The following CFAP43 variants were observed in gnomAD, a reference collection of about 807,000 sequenced individuals.
CFAP43 encodes the protein cilia and flagella associated protein 43.
CFAP43 carries 155 observed loss-of-function variants against 218.9 expected under a neutral mutation model. The observed-to-expected ratio is 0.71, with a 90% CI of 0.62 to 0.81. CFAP43 has a LOEUF of 0.81. Among genes scored for constraint, CFAP43 ranks in the 30% least tolerant of loss-of-function variants. CFAP43 has a pLI of 0.00. For synonymous variants in CFAP43, 645 were observed against 681.3 expected (o/e 0.95, Z 0.83); for missense variants, 1,778 against 1,954.3 (o/e 0.91, Z 1.70).
At chr10:104,156,322 G>A (rs1033918934) in intron 27 of CFAP43, among the ~76,000 whole-genome samples, 6 of 152,076 alleles carry the variant, frequency 3.9e-5, no homozygotes, top group South Asian at 2.1e-4. Context: ...AACATAATAT[G>A]TTGGTGTATT....
chr10:104,189,905 C>T (rs940793125), intron 12 of CFAP43, among the ~76,000 whole-genome samples: 3 of 152,050 alleles, frequency 2.0e-5, no homozygotes, highest in Non-Finnish European at 2.9e-5. Flanking sequence ...TGGTGGCTCA[C>T]GCCTGTAATC....
Position 104,130,321 on chromosome 10 carries a change from A to T in CFAP43, c.4832-16T>A. On this transcript the variant is annotated splice_polypyrimidine_tract_variant and intron_variant, in intron 37 of 37. Coordinates refer to ENST00000357060, the MANE Select transcript of CFAP43 (RefSeq NM_025145.7). The stretch of plus-strand genomic sequence containing the variant: ...AGTTTAGACCCTATCCCAAAAATGA[A>T]TAAAGGAATTCGATTATTTATCAAT... 6.3e-7 allele frequency: 1 copy of T among 1,597,372 alleles called. No homozygotes were observed. Among genetic ancestry groups the T allele is most frequent in the South Asian group, 1.1e-5 (1 of 87,388 alleles).
rs1238338598 is a variant in CFAP43 at position 104,186,087 on chromosome 10, T to G, written c.1897A>C (p.Lys633Gln). The G allele has an allele frequency of 6.4e-7, 1 of 1,566,224 alleles. No homozygotes were observed. Among genetic ancestry groups the G allele is most frequent in the Non-Finnish European group, 8.6e-7 (1 of 1,162,818 alleles). The change falls in exon 15 of 38, where the codon AAA becomes CAA. Residue 633 changes from lysine (K) to glutamine (Q), a missense_variant. By Grantham distance (53) the Lys-to-Gln change is moderately conservative. This residue lies in a region of CFAP43 where 1,553 missense variants were observed against 1,685.2 expected (regional missense o/e 0.92). Coordinates refer to ENST00000357060, the MANE Select transcript of CFAP43 (RefSeq NM_025145.7). ...TGIYILKPYK[K>Q]VQSRQYGPGL... ...GGTCCATACTGTCTGCTTTGTACTT[T>G]TTTGTATGGTTTAAGAATGTAGATA...
intron 6 of CFAP43, among the ~76,000 whole-genome samples, chr10:104,206,737 C>A (rs1027163765): frequency 6.6e-6 from 1 of 152,206 alleles, no homozygotes; most frequent in African/African-American, 2.4e-5. Flanking sequence ...TGGCAAGGCC[C>A]CCTCCTCCCA....
chr10:104,142,663 T>G (rs1054968831), intron 32 of CFAP43, among the ~76,000 whole-genome samples: 46 of 152,270 alleles, frequency 3.0e-4, no homozygotes, highest in Non-Finnish European at 3.4e-4. Context: ...TCTCATCACT[T>G]TAAGTGAAAT....
chr10:104,210,659 C>T (rs1213655929), intron 5 of CFAP43, among the ~76,000 whole-genome samples: 4 of 152,150 alleles, frequency 2.6e-5, no homozygotes, highest in African/African-American at 9.7e-5. Flanking sequence ...TAGCACCCCA[C>T]ACCTCACTTC....
rs1165997428 is a variant in CFAP43, at chr10:104,222,469, A to G, written c.416+2992T>C. On this transcript the variant is annotated intron_variant, in intron 3 of 37. Coordinates refer to ENST00000357060, the MANE Select transcript of CFAP43 (RefSeq NM_025145.7). ...GAGTGTCTGTCTCCCAGCTCTGTTC[A>G]TACTCATTCTTGGGCCCCAGGGCAC... 2.0e-5 allele frequency among the ~76,000 whole-genome samples: 3 copies of G among 152,170 alleles called. No homozygotes were observed. The South Asian group carries it at 6.2e-4, about 32-fold the overall frequency.
At chr10:104,206,278 C>A (rs1046022159) in intron 6 of CFAP43, among the ~76,000 whole-genome samples, 13 of 151,914 alleles carry the variant, frequency 8.6e-5, no homozygotes, top group African/African-American at 3.1e-4. Context: ...CTCAGTTTTA[C>A]AGGGAAAGTG....
At chr10:104,179,172 A>C in intron 18 of CFAP43, 66 bp from the exon 19 acceptor site, 3 of 1,380,760 alleles carry the variant, frequency 2.2e-6, no homozygotes, top group Non-Finnish European at 3.0e-6. Flanking sequence ...AGAGAGAGAG[A>C]GAGAGAGAGC....
chr10:104,167,769 C>T (rs759602334), intron 21 of CFAP43, 32 bp from the exon 22 acceptor site: 1 of 1,529,268 alleles, frequency 6.5e-7, no homozygotes, highest in South Asian at 1.2e-5. Context: ...CAAAATAAAT[C>T]CATTTGTAGT....
chr10:104,204,940 C>T (rs946084263), intron 7 of CFAP43, among the ~76,000 whole-genome samples: 2 of 152,116 alleles, frequency 1.3e-5, no homozygotes, highest in South Asian at 4.1e-4. Context: ...CTGGGCCGGG[C>T]GCAGTGGCTC....
intron 27 of CFAP43, among the ~76,000 whole-genome samples, chr10:104,153,970 A>G (rs2088410804): frequency 6.6e-6 from 1 of 152,204 alleles, no homozygotes; most frequent in African/African-American, 2.4e-5. Flanking sequence ...CATTTTTAGC[A>G]GGAACACTAT....
At chr10:104,145,414 T>C (rs2087914011) in intron 31 of CFAP43, 62 bp downstream of exon 31, 1 of 1,096,576 alleles carries the variant, frequency 9.1e-7, no homozygotes, top group Non-Finnish European at 1.3e-6. Flanking sequence ...TGAAATCTAG[T>C]AACACTCCTC....
In CFAP43 at chr10:104,194,497, G is replaced by A. The variant is rs137892880; in HGVS notation, c.1294-483C>T. ...TGATCCTACTGTGTCAGCCTGCCGA[G>A]TCGCTGGGATTACAGGTTCAAACCA... On this transcript the variant is annotated intron_variant, in intron 10 of 37. Coordinates refer to ENST00000357060, the MANE Select transcript of CFAP43 (RefSeq NM_025145.7). 5.9e-5 allele frequency among the ~76,000 whole-genome samples: 9 copies of A among 152,268 alleles called. No homozygotes were observed. In the East Asian group the frequency reaches 1.7e-3, roughly 29 times the overall value.
At chr10:104,154,810 C>T (rs1480614202) in intron 27 of CFAP43, among the ~76,000 whole-genome samples, 2 of 152,222 alleles carry the variant, frequency 1.3e-5, no homozygotes, top group African/African-American at 4.8e-5. Flanking sequence ...CTTCCATCTG[C>T]CTATGCTTCA....
At chr10:104,229,360 A>C (rs181936376) in intron 2 of CFAP43, among the ~76,000 whole-genome samples, 2 of 152,176 alleles carry the variant, frequency 1.3e-5, no homozygotes, top group Admixed American at 1.3e-4. Flanking sequence ...GTATCTAAGA[A>C]AGAGTCATTA....
At chr10:104,133,888 A>G in intron 34 of CFAP43, 104 bp from the exon 35 acceptor site, 1 of 1,073,770 alleles carries the variant, frequency 9.3e-7, no homozygotes, top group Non-Finnish European at 1.3e-6. Flanking sequence ...GGTCACAGAG[A>G]TAATTCTGTC....
At position 104,150,916 on chromosome 10, in the gene CFAP43, C is replaced by T. The variant is rs190384608; in HGVS notation, c.3660+1691G>A. On this transcript the variant is annotated intron_variant, in intron 28 of 37. Coordinates refer to ENST00000357060, the MANE Select transcript of CFAP43 (RefSeq NM_025145.7). ...CCACCACCCTCAGGAAACCAGACAC[C>T]CCAGTATCTGTTGTTCCCCTCTATG... is the stretch of plus-strand genomic sequence containing the variant. Among the ~76,000 whole-genome samples, 274 of 152,134 alleles carry T rather than the reference C, an allele frequency of 1.8e-3. 2 individuals are homozygous for T. The highest frequency in any genetic ancestry group is 3.3e-3 in the Non-Finnish European group (224 of 67,968).
In CFAP43 at chr10:104,166,198, C is replaced by T. The variant is rs185769229; in HGVS notation, c.3039+290G>A. On this transcript the variant is annotated intron_variant, in intron 23 of 37. Transcript: ENST00000357060. ...AAGCGATTTTCCTGCCTCAGCCTCCCGAGTAGCTGGGATTACAGGCACGCA... is the reference window on the plus strand; with the variant it reads ...AAGCGATTTTCCTGCCTCAGCCTCCTGAGTAGCTGGGATTACAGGCACGCA... Among the ~76,000 whole-genome samples, 200 of 152,228 alleles carry T rather than the reference C, an allele frequency of 1.3e-3. 1 individual carries two copies. The highest frequency in any genetic ancestry group is 4.6e-3 in the African/African-American group (189 of 41,534).
Sources: allele counts gnomAD v4.1 joint callset (sites outside exome capture counted in the v4.1 genomes callset), GRCh38; gene constraint gnomAD v4.1.1; regional missense constraint gnomAD v4.1.1; transcripts MANE v1.5; gene names NCBI Gene and HGNC (gene_info 2026-07-23, HGNC 2026-07-21).